CPAP: variants seen among roughly 807,000 people sequenced by gnomAD.
CPAP encodes centrosomal P4.1-associated protein.
the CPAP span, chr13:24,906,499 G>A: frequency 8.7e-6 from 14 of 1,614,078 alleles, no homozygotes; most frequent in East Asian, 2.7e-4. Context: ...ACCCTGTGCA[G>A]CCAGTATCGC....
the CPAP span, among the ~76,000 whole-genome samples, chr13:24,898,168 T>A: frequency 6.6e-6 from 1 of 152,182 alleles, no homozygotes; most frequent in Non-Finnish European, 1.5e-5. Context: ...AGTGTTGGGA[T>A]TACATGAGTG....
chr13:24,888,632 A>G, the CPAP span, among the ~76,000 whole-genome samples: 10 of 152,204 alleles, frequency 6.6e-5, no homozygotes, highest in Non-Finnish European at 1.3e-4. Flanking sequence ...TCCAGCTGAC[A>G]TGGCCTGGCA....
At chr13:24,884,249 T>TAAAG in the CPAP span, 1 of 1,614,130 alleles carries the variant, frequency 6.2e-7, no homozygotes, top group Non-Finnish European at 8.5e-7. Context: ...AGTAGATCTG[T>TAAAG]AAAGACACAC....
chr13:24,918,159 G>T, the CPAP span, among the ~76,000 whole-genome samples: 1 of 152,180 alleles, frequency 6.6e-6, no homozygotes, highest in Non-Finnish European at 1.5e-5. Flanking sequence ...CACTATGGAA[G>T]ACTCAAGTGG....
the CPAP span, chr13:24,909,855 G>C: frequency 6.2e-7 from 1 of 1,613,824 alleles, no homozygotes; most frequent in Non-Finnish European, 8.5e-7. Flanking sequence ...TTGATACTGT[G>C]CCTCAGAAAA....
At chr13:24,932,500 AAT>A in the CPAP span, among the ~76,000 whole-genome samples, 1 of 152,198 alleles carries the variant, frequency 6.6e-6, no homozygotes, top group East Asian at 1.9e-4. Flanking sequence ...CCAAATGCAG[AAT>A]ATATATGTGT....
the CPAP span, among the ~76,000 whole-genome samples, chr13:24,917,409 G>A: frequency 6.6e-6 from 1 of 152,068 alleles, no homozygotes; most frequent in African/African-American, 2.4e-5. Flanking sequence ...AAGTGAATAA[G>A]TACAAAATAT....
At chr13:24,896,028 A>T in the CPAP span, among the ~76,000 whole-genome samples, 1 of 152,228 alleles carries the variant, frequency 6.6e-6, no homozygotes, top group South Asian at 2.1e-4. Context: ...AGTATCAATA[A>T]ACATAGGTTT....
At chr13:24,882,956 G>T in the CPAP span, 1 of 548,292 alleles carries the variant, frequency 1.8e-6, no homozygotes, top group Non-Finnish European at 3.3e-6. Flanking sequence ...CAGTCAAAAT[G>T]CTTTCCTTAG....
chr13:24,906,045 C>A, the CPAP span: 1 of 1,613,964 alleles, frequency 6.2e-7, no homozygotes, highest in East Asian at 2.2e-5. Context: ...CTCAATTCAT[C>A]AGCTGAGGAC....
At chr13:24,900,450 A>G in the CPAP span, among the ~76,000 whole-genome samples, 1 of 152,196 alleles carries the variant, frequency 6.6e-6, no homozygotes, top group Non-Finnish European at 1.5e-5. Context: ...GGAGTTTGAG[A>G]CCAGCCTGAC....
the CPAP span, among the ~76,000 whole-genome samples, chr13:24,896,203 C>A: frequency 6.6e-6 from 1 of 152,158 alleles, no homozygotes; most frequent in Non-Finnish European, 1.5e-5. Context: ...ACATGATAAC[C>A]AAGTACGAAC....
the CPAP span, chr13:24,910,064 A>C: frequency 6.2e-7 from 1 of 1,612,974 alleles, no homozygotes; most frequent in Non-Finnish European, 8.5e-7. Flanking sequence ...TCTGGCTCTG[A>C]TCATCAGGCA....
At chr13:24,926,318 T>A in the CPAP span, among the ~76,000 whole-genome samples, 4 of 152,072 alleles carry the variant, frequency 2.6e-5, no homozygotes, top group Non-Finnish European at 5.9e-5. Context: ...AACAGCTGCT[T>A]AAAGCTAGCA....
chr13:24,923,531 T>C, the CPAP span, among the ~76,000 whole-genome samples: 1 of 152,224 alleles, frequency 6.6e-6, no homozygotes, highest in African/African-American at 2.4e-5. Flanking sequence ...TTTTTTGTTT[T>C]GTTTCGTTTT....
At chr13:24,883,505 G>C in the CPAP span, 1 of 631,696 alleles carries the variant, frequency 1.6e-6, no homozygotes, top group Non-Finnish European at 2.7e-6. Flanking sequence ...CTATACAATT[G>C]TAACTTTCTA....
At chr13:24,897,839 G>C in the CPAP span, among the ~76,000 whole-genome samples, 4 of 152,156 alleles carry the variant, frequency 2.6e-5, no homozygotes, top group African/African-American at 9.7e-5. Context: ...TATGGACTAA[G>C]TATTATTTGA....
At chr13:24,922,050 C>T in the CPAP span, among the ~76,000 whole-genome samples, 3 of 152,068 alleles carry the variant, frequency 2.0e-5, no homozygotes, top group Non-Finnish European at 4.4e-5. Context: ...CACGGGTGCA[C>T]GTGTATGTCA....
At chr13:24,885,614 T>C in the CPAP span, 1 of 1,608,398 alleles carries the variant, frequency 6.2e-7, no homozygotes. Context: ...ACTTGTCCCT[T>C]ATCCAAATTG....
Sources: gnomAD v4.1 joint callset for allele counts (sites outside exome capture counted in the v4.1 genomes callset) on GRCh38, gnomAD v4.1.1 for gene constraint, MANE v1.5 for transcripts, NCBI Gene and HGNC (gene_info 2026-07-23, HGNC 2026-07-21) for gene names.